Variants in NBAS observed in about 807,000 individuals in gnomAD.
NBAS encodes the protein NAG/BC035112 fusion.
In NBAS, 219 loss-of-function variants were observed where a neutral mutation model predicts 302.5. The ratio of observed to expected loss-of-function variants is 0.72; its 90% confidence interval spans 0.65 to 0.81. NBAS has a LOEUF of 0.81. Ranked by LOEUF, NBAS falls within the 30% of genes least tolerant of loss-of-function variation. The pLI, the probability that NBAS is intolerant of heterozygous loss-of-function variation, is 0.00. For missense variants in NBAS, 2,932 were observed against 2,841.6 expected (o/e 1.03, Z -0.72); for synonymous variants, 1,118 against 1,021.6 (o/e 1.09, Z -1.80).
At chr2:15,388,503 G>A (rs1675424328) in intron 28 of NBAS, among the ~76,000 whole-genome samples, 1 of 152,108 alleles carries the variant, frequency 6.6e-6, no homozygotes, top group South Asian at 2.1e-4. Flanking sequence ...GTGACATAGA[G>A]GAGTGACATA....
chr2:15,260,101 A>G (rs1668781781), intron 44 of NBAS, among the ~76,000 whole-genome samples: 1 of 152,242 alleles, frequency 6.6e-6, no homozygotes, highest in African/African-American at 2.4e-5. Flanking sequence ...GAGCTATGTT[A>G]CAGTTTTACT....
chr2:14,946,247 T>A, the NBAS span, among the ~76,000 whole-genome samples: 1 of 151,884 alleles, frequency 6.6e-6, no homozygotes, highest in Non-Finnish European at 1.5e-5. Flanking sequence ...TACCAAACAG[T>A]TTCAACCCAA....
At chr2:14,928,235 C>G in the NBAS span, among the ~76,000 whole-genome samples, 4,817 of 152,232 alleles carry the variant, frequency 0.032, 217 homozygotes, top group African/African-American at 0.11. Flanking sequence ...GCTAATGGCA[C>G]AACCCTCTGC....
chr2:15,019,698 T>C, the NBAS span, among the ~76,000 whole-genome samples: 1 of 152,140 alleles, frequency 6.6e-6, no homozygotes, highest in Non-Finnish European at 1.5e-5. Context: ...GAAATGGGAA[T>C]TTGGGGAGTT....
the NBAS span, among the ~76,000 whole-genome samples, chr2:15,143,083 C>T: frequency 6.6e-6 from 1 of 152,176 alleles, no homozygotes. Context: ...CTGCTTTCAG[C>T]GTGTCTTGTC....
chr2:15,178,987 C>G lies in NBAS; in HGVS notation c.6840+1G>C. On this transcript the variant is annotated splice_donor_variant, in intron 51 of 51. Transcript: ENST00000281513. LOFTEE classifies it high-confidence loss of function. ...AAGAAAGTAAATTCAACTGGGCATA[C>G]CGTAGTGACTGCCGTGATTTGCTCC... 6.2e-7 allele frequency: 1 copy of G among 1,613,948 alleles called. No individual in the cohort carries two copies. The highest frequency in any genetic ancestry group is 1.1e-5 in the South Asian group (1 of 91,066).
the NBAS span, among the ~76,000 whole-genome samples, chr2:14,887,410 A>AAAAAAAAAAAAAAGAAAAAG: frequency 2.0e-5 from 3 of 150,564 alleles, no homozygotes; most frequent in Non-Finnish European, 3.0e-5. Context: ...AAAAAAAAAA[A>AAAAAAAAAAAAAAGAAAAAG]AAAAAGATAG....
At chr2:15,502,757 T>C (rs949056793) in intron 11 of NBAS, among the ~76,000 whole-genome samples, 3 of 152,238 alleles carry the variant, frequency 2.0e-5, no homozygotes, top group African/African-American at 7.2e-5. Flanking sequence ...TACTGCACAT[T>C]ACTGTAGACT....
At chr2:14,787,042 C>T in the NBAS span, among the ~76,000 whole-genome samples, 1 of 152,138 alleles carries the variant, frequency 6.6e-6, no homozygotes, top group African/African-American at 2.4e-5. Flanking sequence ...ATAGTTAGCT[C>T]TTCTTGTTGA....
At chr2:14,778,947 A>G in the NBAS span, among the ~76,000 whole-genome samples, 1 of 152,180 alleles carries the variant, frequency 6.6e-6, no homozygotes, top group Admixed American at 6.5e-5. Flanking sequence ...TCTTTTGCAT[A>G]TGTCTCTCAG....
chr2:15,534,548 A>G lies in NBAS; in HGVS notation c.741T>C (p.Gly247=), dbSNP rs767408292. ...HGINTAIYHP[G]HRLLLVGGCE... is the part of the protein sequence containing the mutation. ...GAGAACAAATGGTTACTTACCTGTG[A>G]CCAGGGTGGTAAATAGCTGTGTTGA... is the stretch of plus-strand genomic sequence containing the variant. The change falls in exon 9 of 52, where the codon GGT becomes GGC. Residue 247 remains glycine (G), a synonymous_variant. Coordinates refer to ENST00000281513, the MANE Select transcript of NBAS (RefSeq NM_015909.4). 6.2e-7 allele frequency: 1 copy of G among 1,601,522 alleles called. No homozygotes were observed. Among genetic ancestry groups the G allele is most frequent in the South Asian group, 1.1e-5 (1 of 90,898 alleles).
intron 31 of NBAS, among the ~76,000 whole-genome samples, chr2:15,370,280 TAC>T (rs1430834601): frequency 1.3e-5 from 2 of 152,068 alleles, no homozygotes; most frequent in African/African-American, 4.8e-5. Context: ...TTGGAAACAA[TAC>T]CACCACCTCA....
At chr2:14,853,635 C>T in the NBAS span, among the ~76,000 whole-genome samples, 3 of 90,004 alleles carry the variant, frequency 3.3e-5, 1 homozygote, top group Non-Finnish European at 6.4e-5. Flanking sequence ...ATGTTTATTG[C>T]GGCATTATTC....
At chr2:14,788,302 A>T in the NBAS span, among the ~76,000 whole-genome samples, 1,882 of 152,172 alleles carry the variant, frequency 0.012, 27 homozygotes, top group Admixed American at 0.038. Context: ...TGATTGTCTG[A>T]AGCCTTCTTC....
chr2:15,085,184 C>A, the NBAS span, among the ~76,000 whole-genome samples: 1 of 152,248 alleles, frequency 6.6e-6, no homozygotes, highest in Non-Finnish European at 1.5e-5. Context: ...ACACGGAGTG[C>A]GGGGGCCGGT....
At chr2:15,467,987 G>T (rs1488607008) in intron 17 of NBAS, among the ~76,000 whole-genome samples, 183 bp from the exon 18 acceptor site, 1 of 152,086 alleles carries the variant, frequency 6.6e-6, no homozygotes, top group African/African-American at 2.4e-5. Context: ...TGGGCAAAAA[G>T]TCATCAGTAA....
the NBAS span, among the ~76,000 whole-genome samples, chr2:15,050,965 A>G: frequency 2.0e-5 from 3 of 152,160 alleles, no homozygotes; most frequent in East Asian, 5.8e-4. Context: ...TCCTCCTCAC[A>G]GTAGTGCCAA....
chr2:15,535,967 G>A (rs1338997413), intron 8 of NBAS, among the ~76,000 whole-genome samples: 3 of 152,178 alleles, frequency 2.0e-5, no homozygotes, highest in African/African-American at 7.2e-5. Flanking sequence ...TAGCATGATG[G>A]TAATGTTCCG....
intron 48 of NBAS, among the ~76,000 whole-genome samples, chr2:15,201,484 C>A (rs1203991767): frequency 6.6e-6 from 1 of 152,168 alleles, no homozygotes. Context: ...CAGTCATAAG[C>A]TGTTGACTAC....
Sources: allele counts gnomAD v4.1 joint callset (sites outside exome capture counted in the v4.1 genomes callset), GRCh38; gene constraint gnomAD v4.1.1; transcripts MANE v1.5; gene names NCBI Gene and HGNC (gene_info 2026-07-23, HGNC 2026-07-21).